CTPS1: variants seen among roughly 807,000 people sequenced by gnomAD.
CTPS1 encodes CTP synthase 1.
CTPS1 carries 25 observed loss-of-function variants against 80.5 expected under a neutral mutation model. The observed-to-expected ratio is 0.31, with a 90% CI of 0.23 to 0.43. The LOEUF is 0.43. CTPS1 is among the 20% of genes least tolerant of loss of function. CTPS1 has a pLI of 1.00. For synonymous variants in CTPS1, 267 were observed against 252.5 expected (o/e 1.06, Z -0.54); for missense variants, 442 against 725.7 (o/e 0.61, Z 4.49).
At chr1:40,990,843 T>G (rs895032626) in intron 5 of CTPS1, among the ~76,000 whole-genome samples, 1 of 152,174 alleles carries the variant, frequency 6.6e-6, no homozygotes, top group African/African-American at 2.4e-5. Flanking sequence ...GATCCTCATT[T>G]AACAGGGAAA....
chr1:41,004,970 A>T (rs1642996702), intron 12 of CTPS1, among the ~76,000 whole-genome samples: 1 of 151,620 alleles, frequency 6.6e-6, no homozygotes, highest in African/African-American at 2.4e-5. Context: ...CTCTACTAAA[A>T]ATACAAAAAA....
chr1:41,004,577 A>G (rs574177574), intron 12 of CTPS1, among the ~76,000 whole-genome samples: 2 of 150,288 alleles, frequency 1.3e-5, no homozygotes, highest in African/African-American at 4.8e-5. Flanking sequence ...GGTTCAGGCC[A>G]GGAGGAGAAC....
chr1:40,991,783 A>G lies in CTPS1; in HGVS notation c.658A>G (p.Asn220Asp), dbSNP rs781197940. Residue 220 changes from asparagine to aspartate, a missense_variant, in exon 7 of 19, where the codon AAT becomes GAT. Physicochemically the swap from Asn to Asp is conservative, Grantham distance 23 (BLOSUM62 1). This residue lies in a region of CTPS1 where 321 missense variants were observed against 467.2 expected (regional missense o/e 0.69). Coordinates refer to ENST00000650070, the MANE Select transcript of CTPS1 (RefSeq NM_001905.4). The stretch of plus-strand genomic sequence containing the variant: ...CTGCTAGGTTGTATGCAGGTGCTCA[A>G]ATCCACTTGACACATCAGTGAAGGA... ...SPDLVVCRCS[N>D]PLDTSVKEKI... 2.5e-6 allele frequency: 4 copies of G among 1,613,922 alleles called. No homozygotes were observed. Among genetic ancestry groups the G allele is most frequent in the South Asian group, 2.2e-5 (2 of 91,092 alleles).
At chr1:40,982,117 C>A in intron 1 of CTPS1, 1 of 622,784 alleles carries the variant, frequency 1.6e-6, no homozygotes, top group Non-Finnish European at 2.5e-6. Flanking sequence ...CCGTGGTGAG[C>A]CTGTCACGGT....
At chr1:41,011,619 A>C (rs909008458) in intron 18 of CTPS1, 39 bp from the exon 19 acceptor site, 2 of 152,154 alleles carry the variant, frequency 1.3e-5, no homozygotes, top group African/African-American at 4.8e-5. Context: ...ACTTTAATGT[A>C]CATCATATAA....
intron 7 of CTPS1, among the ~76,000 whole-genome samples, chr1:40,994,478 T>C (rs1037793439): frequency 8.5e-5 from 13 of 152,248 alleles, no homozygotes; most frequent in African/African-American, 1.9e-4. Context: ...TTAAAAATTA[T>C]ATTTTCTGAT....
chr1:41,009,460 T>C lies in CTPS1; in HGVS notation c.1562T>C (p.Val521Ala), dbSNP rs376248212. The C allele has an allele frequency of 2.5e-6, 4 of 1,573,406 alleles. No homozygotes were observed. Among genetic ancestry groups the C allele is most frequent in the Admixed American group, 2.0e-5 (1 of 49,706 alleles). Residue 521 changes from valine to alanine, a missense_variant, in exon 17 of 19, where the codon GTT (valine) becomes GCT (alanine). Val to Ala is a moderately conservative substitution (Grantham distance 64, BLOSUM62 0). This residue lies in a region of CTPS1 where 321 missense variants were observed against 467.2 expected (regional missense o/e 0.69). Coordinates refer to ENST00000650070, the MANE Select transcript of CTPS1 (RefSeq NM_001905.4). ...IVELEDHPFF[V>A]GVQYHPEFLS... ...TCTATTTCAGATCATCCCTTTTTTG[T>C]TGGGGTTCAGTACCACCCTGAGTTC...
intron 1 of CTPS1, chr1:40,980,234 G>C (rs1214472039): frequency 4.6e-5 from 7 of 151,942 alleles, no homozygotes; most frequent in Non-Finnish European, 1.0e-4. Context: ...CTCTTCGTCT[G>C]CGAGGAAGCC....
chr1:40,994,131 A>G (rs555838761), intron 7 of CTPS1, among the ~76,000 whole-genome samples: 1 of 152,136 alleles, frequency 6.6e-6, no homozygotes, highest in South Asian at 2.1e-4. Context: ...AATTTCGATG[A>G]AGTCCAATCT....
intron 9 of CTPS1, among the ~76,000 whole-genome samples, chr1:40,999,842 A>C (rs1642857549): frequency 6.6e-6 from 1 of 152,214 alleles, no homozygotes; most frequent in Non-Finnish European, 1.5e-5. Context: ...GAAACCACTC[A>C]GCAATGAAAA....
intron 7 of CTPS1, among the ~76,000 whole-genome samples, chr1:40,995,713 A>G (rs931851128): frequency 3.0e-4 from 45 of 152,108 alleles, no homozygotes; most frequent in African/African-American, 1.1e-3. Context: ...ATTTTTTTTA[A>G]AGGACTTTTG....
chr1:41,010,077 C>G (rs1643131079), intron 17 of CTPS1, 84 bp from the exon 18 acceptor site: 5 of 835,678 alleles, frequency 6.0e-6, no homozygotes, highest in Non-Finnish European at 1.0e-5. Context: ...GGCAAGTGTC[C>G]CTGTAGGAAC....
intron 12 of CTPS1, among the ~76,000 whole-genome samples, chr1:41,004,669 G>C (rs1642988056): frequency 1.3e-5 from 2 of 152,312 alleles, no homozygotes; most frequent in South Asian, 4.1e-4. Flanking sequence ...TAGACGGTAA[G>C]TTCAATGAAG....
At chr1:41,002,109 T>C (rs1001028853) in intron 10 of CTPS1, 51 bp from the exon 11 acceptor site, 1 of 1,544,354 alleles carries the variant, frequency 6.5e-7, no homozygotes, top group African/African-American at 1.4e-5. Context: ...TTATTGCAAG[T>C]TGGACTGGTA....
chr1:40,999,020 T>C (rs1278739289), intron 9 of CTPS1, among the ~76,000 whole-genome samples: 1 of 152,146 alleles, frequency 6.6e-6, no homozygotes, highest in African/African-American at 2.4e-5. Context: ...GGATGAGAGA[T>C]GGATGAAAAG....
intron 16 of CTPS1, among the ~76,000 whole-genome samples, chr1:41,009,172 G>T (rs1227482744): frequency 6.6e-6 from 1 of 152,126 alleles, no homozygotes; most frequent in Non-Finnish European, 1.5e-5. Context: ...CTCCTGAACC[G>T]CAAGACTCAG....
intron 1 of CTPS1, 145 bp from the exon 2 acceptor site, chr1:40,983,133 C>G: frequency 1.6e-6 from 1 of 619,698 alleles, no homozygotes; most frequent in East Asian, 2.8e-5. Flanking sequence ...TTAAACCTGA[C>G]GAGAACCTTC....
chr1:40,987,532 A>C, intron 4 of CTPS1, 60 bp downstream of exon 4: 1 of 1,232,520 alleles, frequency 8.1e-7, no homozygotes, highest in Non-Finnish European at 1.2e-6. Flanking sequence ...AGCCATCAAT[A>C]ACTGATAAGA....
chr1:40,984,684 T>A (rs1642407561), intron 2 of CTPS1, 137 bp from the exon 3 acceptor site: 7 of 614,874 alleles, frequency 1.1e-5, no homozygotes, highest in Non-Finnish European at 1.3e-5. Context: ...TCATATTTAG[T>A]CTTCTAGAAG....
Sources: allele counts gnomAD v4.1 joint callset (sites outside exome capture counted in the v4.1 genomes callset), GRCh38; gene constraint gnomAD v4.1.1; regional missense constraint gnomAD v4.1.1; transcripts MANE v1.5; gene names NCBI Gene and HGNC (gene_info 2026-07-23, HGNC 2026-07-21).